UBR2: variants seen among roughly 807,000 people sequenced by gnomAD.
The protein encoded by UBR2 is E3 ubiquitin-protein ligase UBR2.
A neutral mutation model predicts 247.9 loss-of-function variants in UBR2; 92 were observed. The observed-to-expected ratio is 0.37, with a 90% CI of 0.31 to 0.44. The LOEUF (loss-of-function observed/expected upper bound fraction) is 0.44. Among genes scored for constraint, UBR2 ranks in the 20% least tolerant of loss-of-function variants. The pLI is 1.00. For missense variants in UBR2, 1,613 were observed against 2,112.6 expected, an observed-to-expected ratio of 0.76 and a Z score of 4.64; for synonymous variants, 672 against 693.5, an observed-to-expected ratio of 0.97 and a Z score of 0.49.
chr6:42,608,037 C>T (rs958892877), intron 7 of UBR2, among the ~76,000 whole-genome samples: 3 of 151,994 alleles, frequency 2.0e-5, no homozygotes, highest in Admixed American at 2.0e-4. Flanking sequence ...TTTATTTATT[C>T]TCCTGTTGAT....
At chr6:42,660,262 T>A (rs892715936) in intron 30 of UBR2, among the ~76,000 whole-genome samples, 1 of 152,108 alleles carries the variant, frequency 6.6e-6, no homozygotes, top group Non-Finnish European at 1.5e-5. Flanking sequence ...TAAGAGGCAA[T>A]CCTTGAGCCA....
chr6:42,623,615 C>T (rs1250677681), intron 11 of UBR2, among the ~76,000 whole-genome samples: 1 of 152,084 alleles, frequency 6.6e-6, no homozygotes, highest in Non-Finnish European at 1.5e-5. Context: ...CCACGCCCAG[C>T]TAATTTTTAT....
intron 7 of UBR2, among the ~76,000 whole-genome samples, chr6:42,608,887 G>A (rs920713573): frequency 1.3e-5 from 2 of 152,176 alleles, no homozygotes; most frequent in Middle Eastern, 3.4e-3. Flanking sequence ...TGTAGCAAAA[G>A]ATATATTTTT....
chr6:42,654,111 T>G (rs1024456411), intron 25 of UBR2, among the ~76,000 whole-genome samples: 6 of 152,156 alleles, frequency 3.9e-5, no homozygotes, highest in African/African-American at 1.4e-4. Flanking sequence ...TAGCTATCAT[T>G]CTTTCTTTTT....
At chr6:42,578,230 G>GT (rs148342547) in intron 2 of UBR2, among the ~76,000 whole-genome samples, 3,304 of 152,154 alleles carry the variant, frequency 0.022, 109 homozygotes, top group African/African-American at 0.074. Flanking sequence ...GCTCCAGGTA[G>GT]TTTTTTTGAC....
At chr6:42,683,032 T>TC (rs757644548) in intron 42 of UBR2, 23 bp from the exon 43 acceptor site, 443 of 1,607,742 alleles carry the variant, frequency 2.8e-4, no homozygotes, top group Non-Finnish European at 3.5e-4. Flanking sequence ...TTTTGTGTTT[T>TC]TCCCCCTCTG....
intron 34 of UBR2, among the ~76,000 whole-genome samples, chr6:42,667,431 C>T (rs942156805): frequency 6.6e-6 from 1 of 151,562 alleles, no homozygotes; most frequent in African/African-American, 2.4e-5. Context: ...TGTTTACTTC[C>T]ATATTTCTAA....
chr6:42,659,912 G>T lies in UBR2; in HGVS notation c.3442+57G>T. 1.3e-6 allele frequency: 2 copies of T among 1,541,120 alleles called. No homozygotes were observed. The highest frequency in any genetic ancestry group is 1.8e-6 in the Non-Finnish European group (2 of 1,119,172). ...TTAATAACAACTGCCAGTTAATGTG[G>T]TTGGTGATACGTTGAGATTTTTTAA... On this transcript the variant is annotated intron_variant, in intron 30 of 46. Coordinates refer to ENST00000372901, the MANE Select transcript of UBR2 (RefSeq NM_001363705.2). This position sits in a 1 kb window ranked among gnomAD's most constrained non-coding sequence, Gnocchi z 4.3.
chr6:42,596,096 G>A (rs1395659180), intron 4 of UBR2, among the ~76,000 whole-genome samples: 1 of 149,080 alleles, frequency 6.7e-6, no homozygotes, highest in East Asian at 1.9e-4. Context: ...GTATATGTGT[G>A]TATATCCAAG....
chr6:42,653,783 TTTTTTGTA>T (rs1797266326), intron 25 of UBR2, among the ~76,000 whole-genome samples: 1 of 151,840 alleles, frequency 6.6e-6, no homozygotes, highest in South Asian at 2.1e-4. Context: ...GCCCAGCTAA[TTTTTTGTA>T]TTTTTAGTAG....
Position 42,663,280 on chromosome 6 carries a change from A to G in UBR2, c.3559A>G (p.Lys1187Glu), listed in dbSNP as rs764873091. The change falls in exon 32 of 47, where the codon AAA (lysine) becomes GAA (glutamate). Residue 1187 changes from lysine to glutamate, a missense_variant. Transcript: ENST00000372901. ...WQRYFDSVQAKEQRRQQRLRL... is the reference protein window; with the variant it reads ...WQRYFDSVQAEEQRRQQRLRL... ...AAGGTATTTTGATTCCGTTCAAGCT[A>G]AAGAACAGCGAAGGCAACAGAGATT... 8 of 1,610,636 alleles carry G rather than the reference A, an allele frequency of 5.0e-6. No homozygotes were observed. In the Admixed American group the frequency reaches 1.4e-4, roughly 27 times the overall value.
chr6:42,590,387 C>G (rs1397951823), intron 2 of UBR2, among the ~76,000 whole-genome samples: 2 of 152,160 alleles, frequency 1.3e-5, no homozygotes, highest in Non-Finnish European at 2.9e-5. Context: ...GGACAAGACT[C>G]TAGCTTTACT....
chr6:42,614,320 A>ATATG (rs1794327588), intron 8 of UBR2, among the ~76,000 whole-genome samples: 9 of 81,036 alleles, frequency 1.1e-4, no homozygotes, highest in Admixed American at 2.4e-4. Context: ...ATGGGTATGT[A>ATATG]TATATGTGTA....
In UBR2 at chr6:42,564,277, G is replaced by A; in HGVS notation, c.-43G>A. ...CCGCCGGGGCCGAGGTGAGGCTGCA[G>A]CTCTCCGGGCGGCGGTAGCGCTGGG... is the stretch of plus-strand genomic sequence containing the variant. On this transcript the variant is annotated 5_prime_UTR_variant, in exon 1 of 47. Coordinates refer to ENST00000372901, the MANE Select transcript of UBR2 (RefSeq NM_001363705.2). The A allele has an allele frequency of 1.3e-6, 2 of 1,586,898 alleles. No individual in the cohort carries two copies. The highest frequency in any genetic ancestry group is 2.3e-5 in the South Asian group (2 of 87,080).
Position 42,573,738 on chromosome 6 carries a change from G to T in UBR2, c.83G>T (p.Trp28Leu). 1 of 1,513,588 alleles carries T rather than the reference G, an allele frequency of 6.6e-7. No individual in the cohort carries two copies. Among genetic ancestry groups the T allele is most frequent in the South Asian group, 1.3e-5 (1 of 77,582 alleles). 93.8% of individuals were successfully genotyped at this position (1,513,588 alleles called of 1,614,324 possible). A position where few individuals can be genotyped will look rare whatever the true frequency, so the allele number is the denominator to read the frequency against. Reference sequence around the variant, plus strand: ...TTCTCTTTTCTTCTTTTAAAGAAATGGCTGCAAGCAACTGACCTCACTAGA... The same window carrying T: ...TTCTCTTTTCTTCTTTTAAAGAAATTGCTGCAAGCAACTGACCTCACTAGA... ...ECSAEEIAGK[W>L]LQATDLTREV... The change falls in exon 2 of 47, where the codon TGG becomes TTG. Residue 28 changes from tryptophan (W) to leucine (L), a missense_variant. Trp to Leu is a moderately conservative substitution (Grantham distance 61, BLOSUM62 -2). Coordinates refer to ENST00000372901, the MANE Select transcript of UBR2 (RefSeq NM_001363705.2).
rs141950094 is a variant in UBR2 at position 42,564,356 on chromosome 6, G to C, written c.37G>C (p.Asp13His). 8.4e-5 allele frequency: 136 copies of C among 1,612,186 alleles called. No individual in the cohort carries two copies. Among genetic ancestry groups the C allele is most frequent in the Non-Finnish European group, 1.1e-4 (126 of 1,179,364 alleles). ...SELEPEVQAI[D>H]RSLLECSAEE... ...GCTAGAGCCAGAGGTGCAGGCCATCGACCGGAGCTTGCTGGAATGTTCGGC... is the reference window on the plus strand; with the variant it reads ...GCTAGAGCCAGAGGTGCAGGCCATCCACCGGAGCTTGCTGGAATGTTCGGC... The change falls in exon 1 of 47, where the codon GAC becomes CAC. Residue 13 changes from aspartate (D) to histidine (H), a missense_variant. Coordinates refer to ENST00000372901, the MANE Select transcript of UBR2 (RefSeq NM_001363705.2).
chr6:42,616,203 T>A, intron 10 of UBR2, 113 bp downstream of exon 10: 1 of 623,472 alleles, frequency 1.6e-6, no homozygotes, highest in South Asian at 2.7e-5. Context: ...TGTGTTGATA[T>A]TAAATTCTAA....
chr6:42,658,845 A>ATT (rs778319294), intron 29 of UBR2, 21 bp downstream of exon 29: 33 of 1,454,000 alleles, frequency 2.3e-5, no homozygotes, highest in Middle Eastern at 1.8e-4. Flanking sequence ...AAAAAAAAAA[A>ATT]ATTAATGTCT....
At chr6:42,598,606 C>T (rs1793157148) in intron 4 of UBR2, among the ~76,000 whole-genome samples, 1 of 152,116 alleles carries the variant, frequency 6.6e-6, no homozygotes, top group East Asian at 1.9e-4. Context: ...TGAGATGTAC[C>T]TCTCCCATTT....
Sources: allele counts gnomAD v4.1 joint callset (sites outside exome capture counted in the v4.1 genomes callset), GRCh38; gene constraint gnomAD v4.1.1; non-coding constraint Gnocchi (gnomAD v3.1); transcripts MANE v1.5; gene names NCBI Gene and HGNC (gene_info 2026-07-23, HGNC 2026-07-21).